ADD2: variants seen among roughly 807,000 people sequenced by gnomAD.
ADD2 encodes the protein beta-adducin.
Under a neutral mutation model 83.0 loss-of-function variants are expected in ADD2, and 23 were observed. The observed-to-expected ratio is 0.28, with a 90% CI of 0.20 to 0.39. The LOEUF is 0.39. Among genes scored for constraint, ADD2 ranks in the 10% least tolerant of loss-of-function variants. The pLI, the probability that ADD2 is intolerant of heterozygous loss-of-function variation, is 1.00. For missense variants in ADD2, 758 were observed against 944.9 expected (o/e 0.80, Z 2.59); for synonymous variants, 375 against 375.4 (o/e 1.00, Z 0.01).
chr2:70,752,036 G>A (rs572835408), intron 1 of ADD2, among the ~76,000 whole-genome samples: 46 of 152,294 alleles, frequency 3.0e-4, no homozygotes, highest in African/African-American at 6.5e-4. Flanking sequence ...TGCCTTAAAT[G>A]CATATAGCCT....
At chr2:70,739,046 T>G (rs1318735684) in intron 1 of ADD2, among the ~76,000 whole-genome samples, 4 of 152,232 alleles carry the variant, frequency 2.6e-5, no homozygotes, top group African/African-American at 9.6e-5. Context: ...AAATGGGATC[T>G]AAGTAAACTT....
chr2:70,704,263 T>TTGCCCCCCCCCCCCCCCC, intron 4 of ADD2, 58 bp downstream of exon 4: 1 of 913,238 alleles, frequency 1.1e-6, no homozygotes, highest in Non-Finnish European at 1.7e-6. Context: ...CTCCCTCTCT[T>TTGCCCCCCCCCCCCCCCC]CCCCACCCCA....
At chr2:70,721,736 A>G (rs368539705) in intron 1 of ADD2, among the ~76,000 whole-genome samples, 2 of 152,232 alleles carry the variant, frequency 1.3e-5, no homozygotes, top group Non-Finnish European at 2.9e-5. Context: ...AATTACCTTA[A>G]TGATTAGTCC....
At chr2:70,725,933 A>G (rs1672970637) in intron 1 of ADD2, among the ~76,000 whole-genome samples, 1 of 152,082 alleles carries the variant, frequency 6.6e-6, no homozygotes, top group African/African-American at 2.4e-5. Flanking sequence ...AAAGTTTAAG[A>G]ATGTATTGTC....
At position 70,713,211 on chromosome 2, in the gene ADD2, C is replaced by T. The variant is rs1672289174; in HGVS notation, c.-153-27G>A. ...TGCAAAACACAAACACGACAAGTGT[C>T]AGGGCCTGCACCACCATGACTCTTC... On this transcript the variant is annotated intron_variant, in intron 1 of 15. Coordinates refer to ENST00000264436, the MANE Select transcript of ADD2 (RefSeq NM_001617.4). The T allele has an allele frequency of 3.3e-6, 3 of 922,496 alleles. No homozygotes were observed. In the South Asian group the frequency reaches 1.5e-4, roughly 46 times the overall value. The allele number at this position is 922,496 out of a possible 1,614,324, so 57.1% of individuals were successfully genotyped here. A position where few individuals can be genotyped will look rare whatever the true frequency, so the allele number is the denominator to read the frequency against.
At chr2:70,716,544 C>T (rs1033509189) in intron 1 of ADD2, among the ~76,000 whole-genome samples, 30 of 152,202 alleles carry the variant, frequency 2.0e-4, no homozygotes, top group Admixed American at 3.9e-4. Context: ...AATCTATTAC[C>T]GTGAGCTCCT....
At chr2:70,715,107 A>G (rs1672396476) in intron 1 of ADD2, among the ~76,000 whole-genome samples, 1 of 152,132 alleles carries the variant, frequency 6.6e-6, no homozygotes, top group South Asian at 2.1e-4. Context: ...GCTAGAAACC[A>G]TTGTCCTGTG....
chr2:70,698,704 T>G (rs142059178), intron 4 of ADD2, among the ~76,000 whole-genome samples: 1 of 152,184 alleles, frequency 6.6e-6, no homozygotes, highest in South Asian at 2.1e-4. Context: ...CTATTAGGTA[T>G]CCATTTTAAA....
chr2:70,736,150 C>G (rs1250381412), intron 1 of ADD2, among the ~76,000 whole-genome samples: 1 of 152,036 alleles, frequency 6.6e-6, no homozygotes, highest in Non-Finnish European at 1.5e-5. Context: ...AGGCTGAGAA[C>G]AATCAGATAG....
At chr2:70,757,297 G>T (rs1054608723) in intron 1 of ADD2, among the ~76,000 whole-genome samples, 2 of 151,230 alleles carry the variant, frequency 1.3e-5, no homozygotes, top group South Asian at 2.1e-4. Flanking sequence ...GTGGGGGGGG[G>T]GGATTTGTAC....
Position 70,708,855 on chromosome 2 carries a change from G to A in ADD2, c.-34-2413C>T, listed in dbSNP as rs1442384091. Among the ~76,000 whole-genome samples the A allele has an allele frequency of 2.6e-5, 4 of 152,214 alleles. No individual in the cohort carries two copies. The East Asian group carries it at 7.7e-4, about 29-fold the overall frequency. ...GCTGAGCTTCCACCAATCACAGGTA[G>A]CCAACTATTCAAACACTATTCCAAT... is the stretch of plus-strand genomic sequence containing the variant. On this transcript the variant is annotated intron_variant, in intron 2 of 15. Coordinates refer to ENST00000264436, the MANE Select transcript of ADD2 (RefSeq NM_001617.4).
chr2:70,749,852 G>A (rs1055864611), intron 1 of ADD2, among the ~76,000 whole-genome samples: 32 of 152,140 alleles, frequency 2.1e-4, no homozygotes, highest in South Asian at 4.1e-4. Flanking sequence ...CACCAGCCCC[G>A]GGTTGCCAAC....
chr2:70,690,445 T>C (rs545045506), intron 8 of ADD2, among the ~76,000 whole-genome samples: 1 of 152,170 alleles, frequency 6.6e-6, no homozygotes, highest in Admixed American at 6.5e-5. Context: ...AGGTAAATTA[T>C]AGCACAACTA....
intron 13 of ADD2, chr2:70,675,052 C>G: frequency 7.8e-7 from 1 of 1,284,678 alleles, no homozygotes; most frequent in Non-Finnish European, 9.8e-7. Flanking sequence ...AGGGGGTCCA[C>G]AGTCTGCCCC....
chr2:70,727,432 C>T (rs1329194440), intron 1 of ADD2, among the ~76,000 whole-genome samples: 1 of 152,140 alleles, frequency 6.6e-6, no homozygotes, highest in African/African-American at 2.4e-5. Context: ...CAGTGCCTCC[C>T]ATTCACCACT....
At chr2:70,733,248 GCTCGT>G (rs1558567168) in intron 1 of ADD2, among the ~76,000 whole-genome samples, 3 of 152,122 alleles carry the variant, frequency 2.0e-5, no homozygotes, top group Non-Finnish European at 4.4e-5. Context: ...ATCACTGCTG[GCTCGT>G]CTTCTCCCCA....
chr2:70,756,437 T>C (rs1574328817), intron 1 of ADD2, among the ~76,000 whole-genome samples: 1 of 138,096 alleles, frequency 7.2e-6, no homozygotes, highest in African/African-American at 2.5e-5. Context: ...GATTGAGACA[T>C]TGGAGTCCTA....
In ADD2 at chr2:70,719,059, C is replaced by G. The variant is rs115762375; in HGVS notation, c.-153-5875G>C. ...ATTAGGAGGCAAGGAAGAGAGTAGG[C>G]ACCTCTGGTACTCACTCTGACAAAG... is the stretch of plus-strand genomic sequence containing the variant. On this transcript the variant is annotated intron_variant, in intron 1 of 15. Coordinates refer to ENST00000264436, the MANE Select transcript of ADD2 (RefSeq NM_001617.4). Among the ~76,000 whole-genome samples, 876 of 152,294 alleles carry G rather than the reference C, an allele frequency of 5.8e-3. 8 individuals carry two copies. The highest frequency in any genetic ancestry group is 0.02 in the African/African-American group (820 of 41,566).
In ADD2 at chr2:70,690,945, GCAT is replaced by G; in HGVS notation, c.706-19_706-17del. On this transcript the variant is annotated splice_polypyrimidine_tract_variant and intron_variant, in intron 7 of 15. Transcript: ENST00000264436. ...TGGCCGACACCTTAGAGAGACAATG[GCAT>G]GGTTAGCACCTGCAGCCCTCCCTGC... is the stretch of plus-strand genomic sequence containing the variant. 6.2e-7 allele frequency: 1 copy of G among 1,604,884 alleles called. No individual in the cohort carries two copies. The highest frequency in any genetic ancestry group is 8.5e-7 in the Non-Finnish European group (1 of 1,175,818).
Sources: allele counts gnomAD v4.1 joint callset (sites outside exome capture counted in the v4.1 genomes callset), GRCh38; gene constraint gnomAD v4.1.1; transcripts MANE v1.5; gene names NCBI Gene and HGNC (gene_info 2026-07-23, HGNC 2026-07-21).